The following UTP20 variants were observed in gnomAD, a reference collection of about 807,000 sequenced individuals.
UTP20 encodes UTP20 small subunit processome component.
A neutral mutation model predicts 329.5 loss-of-function variants in UTP20; 164 were observed. The ratio of observed to expected loss-of-function variants is 0.50; its 90% CI spans 0.44 to 0.57. The LOEUF is 0.57. Ranked by LOEUF, UTP20 falls within the 20% of genes least tolerant of loss-of-function variation. The pLI is 0.00. For missense variants in UTP20, 3,055 were observed against 3,284.2 expected, an observed-to-expected ratio of 0.93 and a Z score of 1.71; for synonymous variants, 1,151 against 1,159.3, an observed-to-expected ratio of 0.99 and a Z score of 0.14.
chr12:101,344,023 A>G (rs1454575706), intron 35 of UTP20, among the ~76,000 whole-genome samples: 1 of 152,244 alleles, frequency 6.6e-6, no homozygotes, highest in East Asian at 1.9e-4. Flanking sequence ...TTAATCATGT[A>G]GTGGCATCAG....
rs957887519 is a variant in UTP20, at chr12:101,370,419, T to C, written c.6556-13T>C. 3 of 1,611,054 alleles carry C rather than the reference T, an allele frequency of 1.9e-6. No homozygotes were observed. The highest frequency in any genetic ancestry group is 1.7e-4 in the Middle Eastern group (1 of 6,046). On this transcript the variant is annotated splice_polypyrimidine_tract_variant and intron_variant, in intron 49 of 61. Transcript: ENST00000261637. ...GATGTGCTGGCTGTTAACATCACTA[T>C]TGTAACTTGCAGTGTGTGACCATAC... is the stretch of plus-strand genomic sequence containing the variant.
At chr12:101,347,724 G>T (rs554756332) in intron 38 of UTP20, among the ~76,000 whole-genome samples, 47 of 152,284 alleles carry the variant, frequency 3.1e-4, no homozygotes, top group Admixed American at 1.5e-3. Flanking sequence ...TTATATTCTA[G>T]TTTAAAAGCT....
intron 38 of UTP20, among the ~76,000 whole-genome samples, chr12:101,347,978 G>C (rs1196854932): frequency 2.0e-5 from 3 of 151,940 alleles, no homozygotes; most frequent in Admixed American, 2.0e-4. Context: ...ACAGGCACCC[G>C]CCACCACACC....
At chr12:101,373,181 A>G (rs1486227473) in intron 52 of UTP20, among the ~76,000 whole-genome samples, 2 of 152,196 alleles carry the variant, frequency 1.3e-5, no homozygotes, top group Non-Finnish European at 2.9e-5. Context: ...TGATTGTCAT[A>G]AGAGTCCACT....
intron 4 of UTP20, 149 bp downstream of exon 4, chr12:101,286,030 C>T: frequency 3.4e-6 from 4 of 1,162,732 alleles, no homozygotes; most frequent in South Asian, 1.6e-5. Flanking sequence ...AAGTGCATTA[C>T]CATAAAGTGG....
chr12:101,331,315 A>G (rs1290018417), intron 27 of UTP20, among the ~76,000 whole-genome samples: 40 of 152,154 alleles, frequency 2.6e-4, no homozygotes, highest in Admixed American at 2.6e-3. Context: ...ATTTGATATC[A>G]TGTTTGCAGT....
intron 44 of UTP20, among the ~76,000 whole-genome samples, chr12:101,362,868 C>T (rs749590666): frequency 7.5e-6 from 1 of 132,714 alleles, no homozygotes; most frequent in Non-Finnish European, 1.5e-5. Flanking sequence ...CACAATGGCT[C>T]ACACCTGTAA....
intron 15 of UTP20, among the ~76,000 whole-genome samples, chr12:101,303,550 C>T (rs1282335916): frequency 1.3e-5 from 2 of 152,156 alleles, no homozygotes; most frequent in South Asian, 2.1e-4. Context: ...TGAATGCCAA[C>T]GCTCTGTGGG....
At chr12:101,370,009 T>C (rs1870232470) in intron 49 of UTP20, 118 bp downstream of exon 49, 1 of 991,006 alleles carries the variant, frequency 1.0e-6, no homozygotes, top group Non-Finnish European at 1.5e-6. Context: ...AGCCTAAGAG[T>C]TCAAGACCAG....
chr12:101,379,344 T>C (rs1261819138), intron 56 of UTP20, 27 bp from the exon 57 acceptor site: 1 of 1,560,950 alleles, frequency 6.4e-7, no homozygotes, highest in African/African-American at 1.4e-5. Flanking sequence ...CCATGTGACA[T>C]CCACAAATGC....
chr12:101,287,879 C>A (rs1441722204), intron 5 of UTP20, among the ~76,000 whole-genome samples: 1 of 152,210 alleles, frequency 6.6e-6, no homozygotes. Flanking sequence ...ATGTCTTGGG[C>A]ACATGCCCGG....
At chr12:101,345,773 A>T in intron 37 of UTP20, 79 bp downstream of exon 37, 1 of 1,333,644 alleles carries the variant, frequency 7.5e-7, no homozygotes, top group Non-Finnish European at 1.0e-6. Flanking sequence ...TTGGAAAGAC[A>T]TGTTTTAACT....
chr12:101,383,727 C>G (rs1459814494), intron 60 of UTP20, 58 bp downstream of exon 60: 1 of 1,375,410 alleles, frequency 7.3e-7, no homozygotes, highest in Admixed American at 2.4e-5. Flanking sequence ...TAACTTCTCT[C>G]CTGAATGTTT....
At chr12:101,346,654 A>G in intron 38 of UTP20, 66 bp downstream of exon 38, 1 of 1,468,146 alleles carries the variant, frequency 6.8e-7, no homozygotes, top group Non-Finnish European at 9.1e-7. Flanking sequence ...GCCAGAATAT[A>G]CATGGAGTTG....
intron 56 of UTP20, 67 bp downstream of exon 56, chr12:101,375,823 G>C (rs867455642): frequency 2.0e-6 from 2 of 1,019,020 alleles, no homozygotes; most frequent in Middle Eastern, 3.2e-4. Context: ...AAGTAGATTT[G>C]AGAAATTCGA....
At chr12:101,375,807 T>C in intron 56 of UTP20, 51 bp downstream of exon 56, 1 of 1,148,776 alleles carries the variant, frequency 8.7e-7, no homozygotes. Flanking sequence ...GTCATAGAAT[T>C]ACTGAAAGTA....
intron 16 of UTP20, among the ~76,000 whole-genome samples, chr12:101,306,389 T>C (rs867677442): frequency 3.3e-5 from 5 of 152,314 alleles, no homozygotes; most frequent in South Asian, 2.1e-4. Flanking sequence ...TACCTGAATA[T>C]TGTACATTAC....
chr12:101,381,105 T>C, intron 57 of UTP20, 35 bp from the exon 58 acceptor site: 1 of 1,527,268 alleles, frequency 6.5e-7, no homozygotes, highest in Non-Finnish European at 9.1e-7. Flanking sequence ...AAATGTCCTG[T>C]GTTTTGTCTA....
At chr12:101,366,779 G>T in intron 47 of UTP20, 80 bp downstream of exon 47, 1 of 1,484,772 alleles carries the variant, frequency 6.7e-7, no homozygotes, top group Non-Finnish European at 9.0e-7. Context: ...TTCTAGTACT[G>T]CTCACTTCCA....
Sources: allele counts gnomAD v4.1 joint callset (sites outside exome capture counted in the v4.1 genomes callset), GRCh38; gene constraint gnomAD v4.1.1; transcripts MANE v1.5; gene names NCBI Gene and HGNC (gene_info 2026-07-23, HGNC 2026-07-21).